The following LRMDA variants were observed in gnomAD, a reference collection of about 807,000 sequenced individuals.
The protein encoded by LRMDA is leucine-rich melanocyte differentiation-associated protein.
In LRMDA, 18 loss-of-function variants were observed where a neutral mutation model predicts 29.8. The ratio of observed to expected loss-of-function variants is 0.60; its 90% CI spans 0.42 to 0.90. LRMDA has a LOEUF of 0.90. LRMDA is among the 40% of genes least tolerant of loss of function. The pLI is 0.00. For synonymous variants in LRMDA, 125 were observed against 109.4 expected (o/e 1.14, Z -0.89); for missense variants, 273 against 273.9 (o/e 1.00, Z 0.02).
chr10:76,557,634 G>T lies in LRMDA; in HGVS notation c.*346G>T. ...ACAGGGGAGCAGAGGTCACACCTGG[G>T]GCCTCCCTGGACATGCTCAGTGGCT... On this transcript the variant is annotated 3_prime_UTR_variant, in exon 7 of 7. Coordinates refer to ENST00000611255, the MANE Select transcript of LRMDA (RefSeq NM_001305581.2). 3.5e-6 allele frequency: 1 copy of T among 285,212 alleles called. No individual in the cohort carries two copies. The highest frequency in any genetic ancestry group is 6.6e-6 in the Non-Finnish European group (1 of 151,096). 17.7% of individuals were successfully genotyped at this position (285,212 alleles called of 1,614,324 possible). A position where few individuals can be genotyped will look rare whatever the true frequency, so the allele number is the denominator to read the frequency against.
chr10:75,741,770 C>T (rs1033717123), intron 2 of LRMDA, among the ~76,000 whole-genome samples: 9 of 152,172 alleles, frequency 5.9e-5, no homozygotes, highest in African/African-American at 1.4e-4. Flanking sequence ...GAGCACCTGC[C>T]GCACAGCCAA....
At chr10:76,503,588 C>G (rs1842932506) in intron 6 of LRMDA, among the ~76,000 whole-genome samples, 1 of 151,348 alleles carries the variant, frequency 6.6e-6, no homozygotes, top group Non-Finnish European at 1.5e-5. Context: ...TTATCCATTT[C>G]CTGTAGATTT....
chr10:76,256,137 C>G (rs1852589506), intron 5 of LRMDA, among the ~76,000 whole-genome samples: 1 of 152,108 alleles, frequency 6.6e-6, no homozygotes, highest in African/African-American at 2.4e-5. Flanking sequence ...TTGTCTTGGT[C>G]CAGAGAACCA....
chr10:75,967,911 C>A (rs1846894952), intron 2 of LRMDA, among the ~76,000 whole-genome samples: 1 of 152,118 alleles, frequency 6.6e-6, no homozygotes, highest in South Asian at 2.1e-4. Flanking sequence ...TCAGGAGGAA[C>A]CTGTAATGTG....
intron 2 of LRMDA, among the ~76,000 whole-genome samples, chr10:75,567,111 T>TTC (rs72521833): frequency 0.013 from 1,934 of 150,832 alleles, 36 homozygotes; most frequent in African/African-American, 0.044. Context: ...AGCTGCTGTC[T>TTC]TCTCTCTCTC....
chr10:76,259,216 T>C (rs1252189014), intron 5 of LRMDA, among the ~76,000 whole-genome samples: 1 of 152,136 alleles, frequency 6.6e-6, no homozygotes, highest in African/African-American at 2.4e-5. Context: ...TGATGATTAG[T>C]GATGTTGGGT....
chr10:76,182,165 G>A (rs1017220192), intron 5 of LRMDA, among the ~76,000 whole-genome samples: 8 of 152,108 alleles, frequency 5.3e-5, no homozygotes, highest in African/African-American at 1.9e-4. Flanking sequence ...CCATGTGGCT[G>A]GGGAGGCCTC....
chr10:76,018,100 C>T (rs1003158545), intron 2 of LRMDA, among the ~76,000 whole-genome samples: 2 of 152,198 alleles, frequency 1.3e-5, no homozygotes, highest in African/African-American at 4.8e-5. Flanking sequence ...CTGTGGAAGA[C>T]AGCTTGCCAG....
At chr10:76,138,336 C>G (rs1177046294) in intron 5 of LRMDA, among the ~76,000 whole-genome samples, 1 of 152,120 alleles carries the variant, frequency 6.6e-6, no homozygotes. Flanking sequence ...CAGAGAACCA[C>G]TCCTTGAATT....
chr10:76,000,204 G>A (rs189411574), intron 2 of LRMDA, among the ~76,000 whole-genome samples: 9 of 152,248 alleles, frequency 5.9e-5, no homozygotes, highest in African/African-American at 2.2e-4. Context: ...GGAGGATGGC[G>A]CTGATGAATG....
chr10:75,593,626 A>C (rs1840749380), intron 2 of LRMDA, among the ~76,000 whole-genome samples: 3 of 152,238 alleles, frequency 2.0e-5, no homozygotes, highest in Non-Finnish European at 4.4e-5. Flanking sequence ...TTTGCACAGG[A>C]AAGAATTTGC....
intron 6 of LRMDA, among the ~76,000 whole-genome samples, chr10:76,365,085 C>CACACATATATATAT (rs1272382582): frequency 1.4e-5 from 1 of 69,724 alleles, no homozygotes; most frequent in Non-Finnish European, 3.5e-5. Context: ...CACACACACA[C>CACACATATATATAT]ATATATATAT....
intron 2 of LRMDA, among the ~76,000 whole-genome samples, chr10:75,525,629 GC>G (rs1280244971): frequency 7.0e-6 from 1 of 143,694 alleles, no homozygotes; most frequent in Non-Finnish European, 1.5e-5. Flanking sequence ...GGGCAAATAG[GC>G]TCTTTACAAC....
intron 2 of LRMDA, among the ~76,000 whole-genome samples, chr10:75,553,685 G>A (rs1840180308): frequency 6.6e-6 from 1 of 152,152 alleles, no homozygotes; most frequent in African/African-American, 2.4e-5. Flanking sequence ...GACATATTTT[G>A]CTTCTATCTC....
At chr10:76,457,089 T>C (rs1842464506) in intron 6 of LRMDA, among the ~76,000 whole-genome samples, 1 of 152,212 alleles carries the variant, frequency 6.6e-6, no homozygotes, top group South Asian at 2.1e-4. Flanking sequence ...CATGACCCTG[T>C]CTTTAGCATT....
intron 6 of LRMDA, among the ~76,000 whole-genome samples, chr10:76,523,149 G>C (rs575776925): frequency 6.6e-6 from 1 of 151,264 alleles, no homozygotes; most frequent in African/African-American, 2.4e-5. Flanking sequence ...ATTAACTACA[G>C]TGAGGCCTGG....
chr10:76,314,919 C>T (rs1282113835), intron 5 of LRMDA, among the ~76,000 whole-genome samples: 1 of 152,178 alleles, frequency 6.6e-6, no homozygotes, highest in Non-Finnish European at 1.5e-5. Context: ...CGCCACAAAA[C>T]GTGTTGCATA....
At chr10:76,039,049 C>T (rs774544647) in intron 3 of LRMDA, among the ~76,000 whole-genome samples, 3 of 152,164 alleles carry the variant, frequency 2.0e-5, no homozygotes, top group Non-Finnish European at 4.4e-5. Context: ...GCATAAGACA[C>T]TTCACATGGG....
At chr10:75,767,881 G>A (rs1843189931) in intron 2 of LRMDA, among the ~76,000 whole-genome samples, 1 of 152,196 alleles carries the variant, frequency 6.6e-6, no homozygotes, top group Admixed American at 6.5e-5. Context: ...TTCTGAGAGA[G>A]GCAGAGGGAA....
Sources: gnomAD v4.1 joint callset for allele counts (sites outside exome capture counted in the v4.1 genomes callset) on GRCh38, gnomAD v4.1.1 for gene constraint, MANE v1.5 for transcripts, NCBI Gene and HGNC (gene_info 2026-07-23, HGNC 2026-07-21) for gene names.